NELL2: variants seen among roughly 807,000 people sequenced by gnomAD.
The protein encoded by NELL2 is protein kinase C-binding protein NELL2.
NELL2 carries 41 observed loss-of-function variants against 109.6 expected under a neutral mutation model. That is an observed-to-expected ratio of 0.37 (90% CI 0.29 to 0.49). NELL2 has a LOEUF of 0.49. Among genes scored for constraint, NELL2 ranks in the 20% least tolerant of loss-of-function variants. The pLI is 0.98. For synonymous variants in NELL2, 355 were observed against 344.7 expected, an observed-to-expected ratio of 1.03 and a Z score of -0.33; for missense variants, 900 against 1,008.3, an observed-to-expected ratio of 0.89 and a Z score of 1.45.
At chr12:44,825,297 A>C (rs1477539194) in intron 2 of NELL2, among the ~76,000 whole-genome samples, 6 of 151,270 alleles carry the variant, frequency 4.0e-5, no homozygotes, top group Non-Finnish European at 5.9e-5. Context: ...TCAGTGTTTC[A>C]TAGTTTTCAT....
intron 15 of NELL2, among the ~76,000 whole-genome samples, chr12:44,537,100 TC>T (rs1942329358): frequency 6.6e-6 from 1 of 152,004 alleles, no homozygotes; most frequent in African/African-American, 2.4e-5. Context: ...TTTGTCTCTT[TC>T]AGGTATGGTA....
intron 15 of NELL2, among the ~76,000 whole-genome samples, chr12:44,548,952 A>G (rs1942917197): frequency 6.6e-6 from 1 of 152,204 alleles, no homozygotes; most frequent in Non-Finnish European, 1.5e-5. Context: ...TAAACTATGA[A>G]GATAACCTCT....
At chr12:44,656,508 C>T (rs1336933396) in intron 13 of NELL2, among the ~76,000 whole-genome samples, 1 of 152,184 alleles carries the variant, frequency 6.6e-6, no homozygotes, top group Non-Finnish European at 1.5e-5. Context: ...AAGAACTTGT[C>T]TAACCATAAG....
intron 1 of NELL2, among the ~76,000 whole-genome samples, chr12:44,905,406 A>T (rs1486974366): frequency 3.3e-5 from 5 of 151,992 alleles, no homozygotes; most frequent in African/African-American, 1.2e-4. Flanking sequence ...TGTTCCAAGC[A>T]TAAGTTCTTG....
At chr12:44,615,401 T>C (rs919984384) in intron 13 of NELL2, among the ~76,000 whole-genome samples, 5 of 152,110 alleles carry the variant, frequency 3.3e-5, no homozygotes, top group Non-Finnish European at 7.4e-5. Flanking sequence ...ATCACATACT[T>C]TGTTACATAT....
chr12:44,648,821 C>T (rs1464342349), intron 13 of NELL2, among the ~76,000 whole-genome samples: 19 of 148,002 alleles, frequency 1.3e-4, no homozygotes, highest in African/African-American at 4.8e-4. Context: ...CTGCAACCTC[C>T]GCCTCCCAGG....
intron 13 of NELL2, among the ~76,000 whole-genome samples, chr12:44,612,834 T>G (rs966296485): frequency 6.6e-6 from 1 of 152,050 alleles, no homozygotes; most frequent in Non-Finnish European, 1.5e-5. Context: ...GTCTTTTTAA[T>G]TGGACCATAC....
At chr12:44,592,567 G>A (rs1474406291) in intron 15 of NELL2, among the ~76,000 whole-genome samples, 6 of 152,118 alleles carry the variant, frequency 3.9e-5, no homozygotes. Flanking sequence ...AGAGCCACAA[G>A]GGAGGATAAA....
chr12:44,750,301 C>G, intron 9 of NELL2, among the ~76,000 whole-genome samples: 1 of 152,098 alleles, frequency 6.6e-6, no homozygotes, highest in East Asian at 1.9e-4. Flanking sequence ...AGCAGGTAGA[C>G]AGATAGGAAG....
rs564898544 is a variant in NELL2, at chr12:44,643,817, T to C, written c.1444+21667A>G. Among the ~76,000 whole-genome samples, 3 of 152,330 alleles carry C rather than the reference T, an allele frequency of 2.0e-5. No individual in the cohort carries two copies. The East Asian group carries it at 5.8e-4, about 29-fold the overall frequency. On this transcript the variant is annotated intron_variant, in intron 13 of 19. Coordinates refer to ENST00000429094, the MANE Select transcript of NELL2 (RefSeq NM_001145108.2). ...CAAATTCGTTTTTCTGGAATGGTTC[T>C]ATTATGTGCATAATGATGCAGATTT...
chr12:44,795,423 A>G (rs1488453963), intron 3 of NELL2, among the ~76,000 whole-genome samples: 2 of 152,156 alleles, frequency 1.3e-5, no homozygotes, highest in African/African-American at 4.8e-5. Context: ...TCAATGCTTC[A>G]GTTTCCTCAC....
chr12:44,883,058 A>G (rs950801202), intron 1 of NELL2, among the ~76,000 whole-genome samples: 1 of 149,446 alleles, frequency 6.7e-6, no homozygotes, highest in Admixed American at 6.7e-5. Flanking sequence ...TATGTTGGCC[A>G]GGCTGATCTT....
chr12:44,537,203 G>A (rs796789175), intron 15 of NELL2, among the ~76,000 whole-genome samples: 4 of 151,884 alleles, frequency 2.6e-5, no homozygotes, highest in African/African-American at 9.7e-5. Flanking sequence ...GCATTTAAAG[G>A]GTCATTTTAG....
At chr12:44,586,442 T>C (rs987166200) in intron 15 of NELL2, among the ~76,000 whole-genome samples, 2 of 151,946 alleles carry the variant, frequency 1.3e-5, no homozygotes, top group Middle Eastern at 3.4e-3. Flanking sequence ...TTTCTTTTAT[T>C]ACTATAACTT....
chr12:44,610,776 A>G, intron 14 of NELL2, 72 bp downstream of exon 14: 2 of 1,588,030 alleles, frequency 1.3e-6, no homozygotes, highest in East Asian at 4.5e-5. Context: ...CAGTAATGAT[A>G]AGGTGTAGAG....
chr12:44,621,957 C>G (rs575440420), intron 13 of NELL2, among the ~76,000 whole-genome samples: 1 of 151,988 alleles, frequency 6.6e-6, no homozygotes, highest in African/African-American at 2.4e-5. Context: ...GCTGTCCTCA[C>G]GCTGTCAGGG....
chr12:44,650,788 C>T (rs1236185322), intron 13 of NELL2, among the ~76,000 whole-genome samples: 1 of 150,658 alleles, frequency 6.6e-6, no homozygotes. Flanking sequence ...TCTTTCTTTG[C>T]CTGCTCCTAA....
Position 44,665,624 on chromosome 12 carries a change from A to C in NELL2, c.1319-15T>G. ...CTCATCGATGTCTGTGAAGAAAAAC[A>C]GGACAAAGAGGTCAACAGTGGGCAA... On this transcript the variant is annotated splice_polypyrimidine_tract_variant and intron_variant, in intron 12 of 19. Coordinates refer to ENST00000429094, the MANE Select transcript of NELL2 (RefSeq NM_001145108.2). 1.2e-6 allele frequency: 2 copies of C among 1,609,642 alleles called. No homozygotes were observed. Among genetic ancestry groups the C allele is most frequent in the Non-Finnish European group, 1.7e-6 (2 of 1,177,424 alleles).
intron 9 of NELL2, among the ~76,000 whole-genome samples, chr12:44,734,999 A>G (rs1939564415): frequency 6.6e-6 from 1 of 152,052 alleles, no homozygotes; most frequent in African/African-American, 2.4e-5. Flanking sequence ...TCTGGTTTCA[A>G]CTGTTGAAAA....
Sources: allele counts gnomAD v4.1 joint callset (sites outside exome capture counted in the v4.1 genomes callset), GRCh38; gene constraint gnomAD v4.1.1; transcripts MANE v1.5; gene names NCBI Gene and HGNC (gene_info 2026-07-23, HGNC 2026-07-21).